GPC6: variants seen among roughly 807,000 people sequenced by gnomAD.
GPC6 encodes the protein glypican 6, also known as glypican-6.
Under a neutral mutation model 55.2 loss-of-function variants are expected in GPC6, and 14 were observed. The ratio of observed to expected loss-of-function variants is 0.25; its 90% CI spans 0.17 to 0.40. The LOEUF (loss-of-function observed/expected upper bound fraction) is 0.40, where lower values mean the gene tolerates loss of function less well. GPC6 is among the 10% of genes least tolerant of loss of function. GPC6 has a pLI of 1.00. For synonymous variants in GPC6, 278 were observed against 259.6 expected, an observed-to-expected ratio of 1.07 and a Z score of -0.68; for missense variants, 641 against 708.5, an observed-to-expected ratio of 0.90 and a Z score of 1.08.
chr13:93,374,411 G>C (rs1209997571), intron 1 of GPC6, among the ~76,000 whole-genome samples: 1 of 152,148 alleles, frequency 6.6e-6, no homozygotes, highest in Non-Finnish European at 1.5e-5. Context: ...GTGATGCACA[G>C]TTCTACCTCT....
intron 4 of GPC6, among the ~76,000 whole-genome samples, chr13:94,208,591 G>A (rs2151380): frequency 0.13 from 19,788 of 151,934 alleles, 1,362 homozygotes; most frequent in South Asian, 0.22. Context: ...AGAAACCAAA[G>A]TGCAGGGATT....
chr13:94,405,838 C>T lies in GPC6; in HGVS notation c.*2621C>T, dbSNP rs1040791334. On this transcript the variant is annotated 3_prime_UTR_variant, in exon 9 of 9. Transcript: ENST00000377047. ...TCAAAATATCATTCAAGTTGTACTT[C>T]CTAGTTTTTATCATCATACTACTAT... is the stretch of plus-strand genomic sequence containing the variant. The T allele has an allele frequency of 6.6e-6, 1 of 152,096 alleles. No individual in the cohort carries two copies. Among genetic ancestry groups the T allele is most frequent in the Non-Finnish European group, 1.5e-5 (1 of 68,010 alleles). 9.4% of individuals were successfully genotyped at this position (152,096 alleles called of 1,614,324 possible).
At chr13:94,016,943 T>C (rs1882491172) in intron 3 of GPC6, among the ~76,000 whole-genome samples, 1 of 152,046 alleles carries the variant, frequency 6.6e-6, no homozygotes, top group Non-Finnish European at 1.5e-5. Flanking sequence ...CAAACGATTC[T>C]CCTCTCTCAA....
intron 6 of GPC6, among the ~76,000 whole-genome samples, chr13:94,366,243 A>C (rs1879282110): frequency 6.6e-6 from 1 of 152,220 alleles, no homozygotes; most frequent in Non-Finnish European, 1.5e-5. Context: ...TAAATGTTCA[A>C]ACATTAAACT....
chr13:94,056,975 G>A (rs1288327398), intron 4 of GPC6, among the ~76,000 whole-genome samples: 1 of 152,062 alleles, frequency 6.6e-6, no homozygotes, highest in Non-Finnish European at 1.5e-5. Context: ...TTATCATTTT[G>A]TTGCATTTTT....
intron 1 of GPC6, among the ~76,000 whole-genome samples, chr13:93,260,637 G>A (rs1221460274): frequency 5.3e-5 from 8 of 151,972 alleles, no homozygotes; most frequent in African/African-American, 1.4e-4. Flanking sequence ...ACACACTGCC[G>A]AAGCATTATC....
At chr13:93,531,872 C>T (rs1881881513) in intron 1 of GPC6, among the ~76,000 whole-genome samples, 1 of 152,058 alleles carries the variant, frequency 6.6e-6, no homozygotes, top group South Asian at 2.1e-4. Flanking sequence ...TGGATACCAC[C>T]ACCCTCATTT....
intron 1 of GPC6, among the ~76,000 whole-genome samples, chr13:93,483,715 A>T (rs1879599621): frequency 1.3e-5 from 2 of 152,188 alleles, no homozygotes; most frequent in African/African-American, 4.8e-5. Flanking sequence ...TTATGTTTTA[A>T]TTAATCATTC....
intron 8 of GPC6, among the ~76,000 whole-genome samples, chr13:94,400,946 T>C (rs1159135697): frequency 3.9e-5 from 6 of 152,194 alleles, no homozygotes; most frequent in Admixed American, 1.3e-4. Flanking sequence ...CTTACCCTGG[T>C]GCATTTAAAT....
intron 3 of GPC6, among the ~76,000 whole-genome samples, chr13:93,852,278 A>G (rs1475930015): frequency 6.6e-6 from 1 of 151,722 alleles, no homozygotes; most frequent in Non-Finnish European, 1.5e-5. Context: ...TATATGCACA[A>G]TGCCTTTTGG....
intron 1 of GPC6, among the ~76,000 whole-genome samples, chr13:93,376,200 A>G (rs1300743722): frequency 6.6e-6 from 1 of 152,076 alleles, no homozygotes; most frequent in Non-Finnish European, 1.5e-5. Flanking sequence ...ATGGAATATC[A>G]GTCTGTATCT....
At position 94,047,108 on chromosome 13, in the gene GPC6, G is replaced by C. The variant is rs769595199; in HGVS notation, c.877+19214G>C. On this transcript the variant is annotated intron_variant, in intron 4 of 8. Coordinates refer to ENST00000377047, the MANE Select transcript of GPC6 (RefSeq NM_005708.5). Reference sequence around the variant, plus strand: ...GCCAAGTACTAGTTTCTCTACTTCAGTGTACCAAACAGGTCCCCTTTAGTA... The same window carrying C: ...GCCAAGTACTAGTTTCTCTACTTCACTGTACCAAACAGGTCCCCTTTAGTA... Among the ~76,000 whole-genome samples, 3 of 152,046 alleles carry C rather than the reference G, an allele frequency of 2.0e-5. No homozygotes were observed. In the East Asian group the frequency reaches 5.8e-4, roughly 29 times the overall value.
chr13:93,492,421 G>C (rs964601299), intron 1 of GPC6, among the ~76,000 whole-genome samples: 3 of 149,566 alleles, frequency 2.0e-5, no homozygotes, highest in African/African-American at 7.4e-5. Context: ...GAGATTTTGG[G>C]CTGAGACGAT....
chr13:93,762,294 C>T (rs187109103), intron 2 of GPC6, among the ~76,000 whole-genome samples: 2 of 152,290 alleles, frequency 1.3e-5, no homozygotes, highest in East Asian at 1.9e-4. Context: ...CAGTCTAATG[C>T]AGTTCTGAAA....
rs192950394 is a variant in GPC6 at position 94,108,622 on chromosome 13, A to T, written c.877+80728A>T. 3.9e-4 allele frequency among the ~76,000 whole-genome samples: 60 copies of T among 152,114 alleles called. 1 individual carries two copies. In the East Asian group the frequency reaches 0.011, roughly 28 times the overall value. On this transcript the variant is annotated intron_variant, in intron 4 of 8. Coordinates refer to ENST00000377047, the MANE Select transcript of GPC6 (RefSeq NM_005708.5). ...TTGGGAGGCCAAGGCGGGTGGATCAACTGAGGTCAGGAGTTCAAGACCAGC... is the reference window on the plus strand; with the variant it reads ...TTGGGAGGCCAAGGCGGGTGGATCATCTGAGGTCAGGAGTTCAAGACCAGC...
At chr13:93,817,869 TATAGATAGATAG>T (rs10599851) in intron 2 of GPC6, among the ~76,000 whole-genome samples, 43 of 146,896 alleles carry the variant, frequency 2.9e-4, no homozygotes, top group African/African-American at 9.7e-4. Context: ...AAAAATAATG[TATAGATAGATAG>T]ATAGATAGAT....
rs1294585051 is a variant in GPC6 at position 93,789,627 on chromosome 13, A to AATAC, written c.320-40527_320-40526insATAC. Among the ~76,000 whole-genome samples the AATAC allele has an allele frequency of 1.9e-4, 17 of 91,262 alleles. 2 individuals carry two copies. The highest frequency in any genetic ancestry group is 6.5e-4 in the African/African-American group (17 of 26,176). 59.9% of individuals were successfully genotyped at this position (91,262 alleles called of 152,430 possible). The stretch of plus-strand genomic sequence containing the variant: ...TATATATATATATATATATATATAT[A>AATAC]TATATATATATATATATAGTATTCG... On this transcript the variant is annotated intron_variant, in intron 2 of 8. Coordinates refer to ENST00000377047, the MANE Select transcript of GPC6 (RefSeq NM_005708.5).
chr13:94,271,944 T>G (rs1245443588), intron 4 of GPC6, among the ~76,000 whole-genome samples: 1 of 152,134 alleles, frequency 6.6e-6, no homozygotes, highest in Non-Finnish European at 1.5e-5. Context: ...TAAAATGAGT[T>G]TTTTCATTTT....
chr13:93,692,945 T>TG (rs1221453794), intron 2 of GPC6, among the ~76,000 whole-genome samples: 1 of 152,138 alleles, frequency 6.6e-6, no homozygotes, highest in African/African-American at 2.4e-5. Flanking sequence ...CAAATTTGTG[T>TG]GGGTCAAATA....
Sources: gnomAD v4.1 joint callset for allele counts (sites outside exome capture counted in the v4.1 genomes callset) on GRCh38, gnomAD v4.1.1 for gene constraint, MANE v1.5 for transcripts, NCBI Gene and HGNC (gene_info 2026-07-23, HGNC 2026-07-21) for gene names.